Variants in ADAMTS6 observed in about 807,000 individuals in gnomAD.
ADAMTS6 encodes ADAM metallopeptidase with thrombospondin type 1 motif 6.
A neutral mutation model predicts 144.3 loss-of-function variants in ADAMTS6; 23 were observed. The ratio of observed to expected loss-of-function variants is 0.16; its 90% CI spans 0.11 to 0.23. The LOEUF (loss-of-function observed/expected upper bound fraction) is 0.23, where lower values mean the gene tolerates loss of function less well. Ranked by LOEUF, ADAMTS6 falls within the 10% of genes least tolerant of loss-of-function variation. The pLI, the probability that ADAMTS6 is intolerant of heterozygous loss-of-function variation, is 1.00. For synonymous variants in ADAMTS6, 444 were observed against 457.5 expected (o/e 0.97, Z 0.38); for missense variants, 999 against 1,379.6 (o/e 0.72, Z 4.37).
At chr5:65,372,788 A>G (rs1751094476) in intron 7 of ADAMTS6, among the ~76,000 whole-genome samples, 1 of 152,190 alleles carries the variant, frequency 6.6e-6, no homozygotes, top group South Asian at 2.1e-4. Context: ...CTCCACCCCA[A>G]ATCAACAGAA....
rs577397763 is a variant in ADAMTS6 at position 65,290,763 on chromosome 5, T to A, written c.1512+566A>T. Among the ~76,000 whole-genome samples, 5 of 152,300 alleles carry A rather than the reference T, an allele frequency of 3.3e-5. No individual in the cohort carries two copies. In the East Asian group the frequency reaches 7.7e-4, roughly 23 times the overall value. On this transcript the variant is annotated intron_variant, in intron 11 of 24. Coordinates refer to ENST00000381055, the MANE Select transcript of ADAMTS6 (RefSeq NM_197941.4). The stretch of plus-strand genomic sequence containing the variant: ...TGATGTAGACACTGTGACTTTTTTT[T>A]AAGGCAGACATGCAGAATAAATTAT...
At chr5:65,340,436 T>C (rs1747712490) in intron 7 of ADAMTS6, among the ~76,000 whole-genome samples, 2 of 151,912 alleles carry the variant, frequency 1.3e-5, no homozygotes, top group South Asian at 4.1e-4. Flanking sequence ...TGTAGAATTA[T>C]AAAACTCACT....
chr5:65,170,911 G>A, intron 23 of ADAMTS6, 138 bp from the exon 24 acceptor site: 1 of 867,028 alleles, frequency 1.2e-6, no homozygotes, highest in Non-Finnish European at 1.6e-6. Flanking sequence ...TTGCTATGTT[G>A]GCCAGGCTGG....
At chr5:65,337,150 G>A (rs1292681323) in intron 7 of ADAMTS6, among the ~76,000 whole-genome samples, 2 of 151,968 alleles carry the variant, frequency 1.3e-5, no homozygotes, top group Non-Finnish European at 2.9e-5. Context: ...TCTATTGAAG[G>A]TAAACTTCAC....
chr5:65,374,613 TACAA>T (rs1751323160), intron 7 of ADAMTS6, among the ~76,000 whole-genome samples: 1 of 151,916 alleles, frequency 6.6e-6, no homozygotes, highest in Non-Finnish European at 1.5e-5. Context: ...TAAAAGAGGA[TACAA>T]ACAAATGGAA....
intron 24 of ADAMTS6, among the ~76,000 whole-genome samples, chr5:65,161,367 C>T (rs766078534): frequency 3.9e-5 from 6 of 152,166 alleles, no homozygotes; most frequent in African/African-American, 7.2e-5. Context: ...CTATGTTATC[C>T]GTCCATTCCA....
intron 7 of ADAMTS6, among the ~76,000 whole-genome samples, chr5:65,416,717 T>A (rs1755552251): frequency 2.1e-5 from 3 of 143,920 alleles, no homozygotes; most frequent in Admixed American, 1.4e-4. Flanking sequence ...ACCACTGCAC[T>A]CCAGCCTGGG....
intron 9 of ADAMTS6, among the ~76,000 whole-genome samples, chr5:65,302,107 A>AT (rs1554065953): frequency 0.018 from 600 of 34,074 alleles, 11 homozygotes; most frequent in African/African-American, 0.061. Context: ...AAAAAAAAAA[A>AT]ATATATATAT....
chr5:65,399,479 TATG>T (rs1753735186), intron 7 of ADAMTS6, among the ~76,000 whole-genome samples: 1 of 152,214 alleles, frequency 6.6e-6, no homozygotes, highest in African/African-American at 2.4e-5. Context: ...GAGCATTGTG[TATG>T]ATTCCACTTT....
At chr5:65,405,555 A>G (rs1399235534) in intron 7 of ADAMTS6, among the ~76,000 whole-genome samples, 1 of 152,142 alleles carries the variant, frequency 6.6e-6, no homozygotes, top group Admixed American at 6.5e-5. Context: ...GTAGCCTTGT[A>G]GTATAGTTTG....
At chr5:65,337,425 T>C (rs1251841527) in intron 7 of ADAMTS6, among the ~76,000 whole-genome samples, 1 of 152,122 alleles carries the variant, frequency 6.6e-6, no homozygotes, top group Non-Finnish European at 1.5e-5. Flanking sequence ...CTCTTATTCC[T>C]ATTTTCCTTC....
chr5:65,218,875 G>C (rs948480142), intron 18 of ADAMTS6, among the ~76,000 whole-genome samples: 3 of 151,820 alleles, frequency 2.0e-5, no homozygotes, highest in African/African-American at 4.8e-5. Flanking sequence ...CTGTTGTAAG[G>C]GTCTTACATT....
intron 7 of ADAMTS6, among the ~76,000 whole-genome samples, chr5:65,339,349 A>G (rs996678169): frequency 1.3e-5 from 2 of 152,064 alleles, no homozygotes; most frequent in African/African-American, 4.8e-5. Flanking sequence ...ACCTATTTAT[A>G]TGGATTAATC....
intron 24 of ADAMTS6, among the ~76,000 whole-genome samples, chr5:65,164,564 CA>C (rs1435323861): frequency 1.4e-5 from 2 of 147,778 alleles, no homozygotes; most frequent in African/African-American, 5.0e-5. Context: ...CTGTAGGCTC[CA>C]CCTCTGGGGG....
chr5:65,162,644 C>T (rs1752850206), intron 24 of ADAMTS6, among the ~76,000 whole-genome samples: 1 of 151,736 alleles, frequency 6.6e-6, no homozygotes, highest in Non-Finnish European at 1.5e-5. Context: ...CACACACACA[C>T]ACACACACAC....
chr5:65,438,217 A>G (rs1443396224), intron 7 of ADAMTS6, among the ~76,000 whole-genome samples: 1 of 152,178 alleles, frequency 6.6e-6, no homozygotes, highest in Non-Finnish European at 1.5e-5. Flanking sequence ...CAGAGGCTTC[A>G]CCAATGCTCA....
rs866786470 is a variant in ADAMTS6 at position 65,398,810 on chromosome 5, A to G, written c.1073+52665T>C. 5.0e-4 allele frequency among the ~76,000 whole-genome samples: 59 copies of G among 118,720 alleles called. 1 individual carries two copies. The highest frequency in any genetic ancestry group is 2.2e-3 in the African/African-American group (58 of 25,902). 77.9% of individuals were successfully genotyped at this position (118,720 alleles called of 152,430 possible). The stretch of plus-strand genomic sequence containing the variant: ...AAAGAAAGAAAGAAAGAAAGAAAGA[A>G]AGAAAGAAAGAAAGAAAGAAAGAAA... On this transcript the variant is annotated intron_variant, in intron 7 of 24. Coordinates refer to ENST00000381055, the MANE Select transcript of ADAMTS6 (RefSeq NM_197941.4).
intron 15 of ADAMTS6, among the ~76,000 whole-genome samples, chr5:65,232,767 ATT>A (rs1758359951): frequency 2.0e-5 from 3 of 152,054 alleles, no homozygotes; most frequent in Admixed American, 1.3e-4. Flanking sequence ...TATACCAAAC[ATT>A]TAAAGAAGAA....
chr5:65,256,628 C>T (rs1760682286), intron 14 of ADAMTS6: 1 of 152,136 alleles, frequency 6.6e-6, no homozygotes, highest in Non-Finnish European at 1.5e-5. Context: ...ACAATCTGAA[C>T]ATCTAACATA....
Sources: allele counts gnomAD v4.1 joint callset (sites outside exome capture counted in the v4.1 genomes callset), GRCh38; gene constraint gnomAD v4.1.1; transcripts MANE v1.5; gene names NCBI Gene and HGNC (gene_info 2026-07-23, HGNC 2026-07-21).